Variants in PPIL2 observed in about 807,000 individuals in gnomAD.
The protein encoded by PPIL2 is peptidylprolyl isomerase like 2.
Under a neutral mutation model 75.2 loss-of-function variants are expected in PPIL2, and 50 were observed. The ratio of observed to expected loss-of-function variants is 0.66; its 90% CI spans 0.53 to 0.84. The LOEUF is 0.84. Among genes scored for constraint, PPIL2 ranks in the 40% least tolerant of loss-of-function variants. The pLI is 0.00. For missense variants in PPIL2, 590 were observed against 685.0 expected (o/e 0.86, Z 1.55); for synonymous variants, 245 against 258.8 (o/e 0.95, Z 0.51).
Position 21,682,580 on chromosome 22 carries a change from C to T in PPIL2, c.477+54C>T. On this transcript the variant is annotated intron_variant, in intron 8 of 19. Coordinates refer to ENST00000398831, the MANE Select transcript of PPIL2 (RefSeq NM_014337.4). ...CTGCCTTCAGCACCTGCAGCCAGCC[C>T]AGGCCTCTACAGGGCCCTACCCCCA... The T allele has an allele frequency of 1.2e-5, 16 of 1,381,448 alleles. 1 individual carries two copies. In the South Asian group the frequency reaches 1.8e-4, roughly 15 times the overall value. 85.6% of individuals were successfully genotyped at this position (1,381,448 alleles called of 1,614,324 possible). A position where few individuals can be genotyped will look rare whatever the true frequency, so the allele number is the denominator to read the frequency against.
At chr22:21,691,144 A>G (rs956405624) in intron 15 of PPIL2, among the ~76,000 whole-genome samples, 1 of 151,366 alleles carries the variant, frequency 6.6e-6, no homozygotes, top group East Asian at 2.0e-4. Context: ...GGGTTTCACC[A>G]TGTTGGCCAG....
At chr22:21,675,311 A>G (rs1213132860) in intron 6 of PPIL2, among the ~76,000 whole-genome samples, 196 bp downstream of exon 6, 1 of 152,152 alleles carries the variant, frequency 6.6e-6, no homozygotes, top group Non-Finnish European at 1.5e-5. Flanking sequence ...GCCGAGGCGG[A>G]TGGTTCACGA....
chr22:21,670,852 A>G, intron 3 of PPIL2, 145 bp from the exon 4 acceptor site: 2 of 908,626 alleles, frequency 2.2e-6, no homozygotes, highest in Admixed American at 3.5e-5. Context: ...TTGGAGGAGA[A>G]GGTTGGTGAG....
In PPIL2 at chr22:21,693,820, A is replaced by G; in HGVS notation, c.1144A>G (p.Ile382Val). Residue 382 changes from isoleucine (I) to valine (V), a missense_variant, in exon 16 of 20, where the codon ATC (isoleucine) becomes GTC (valine). Transcript: ENST00000398831. The stretch of plus-strand genomic sequence containing the variant: ...CCATCCAGCCCTCCTCCCCAGCTTC[A>G]TCACGTTTCGCTCCTGTGCCTACCT... ...GPNSNRSQFF[I>V]TFRSCAYLDK... 6.5e-7 allele frequency: 1 copy of G among 1,539,362 alleles called. No individual in the cohort carries two copies. Among genetic ancestry groups the G allele is most frequent in the Non-Finnish European group, 9.0e-7 (1 of 1,112,014 alleles).
Position 21,677,301 on chromosome 22 carries a change from C to T in PPIL2, c.295+2186C>T, listed in dbSNP as rs371191244. On this transcript the variant is annotated intron_variant, in intron 6 of 19. Coordinates refer to ENST00000398831, the MANE Select transcript of PPIL2 (RefSeq NM_014337.4). ...CTCACATCCCAGACAGGGTGGCGGCCGGGCAGAGGCTGCAATCTCGGCACT... is the reference window on the plus strand; with the variant it reads ...CTCACATCCCAGACAGGGTGGCGGCTGGGCAGAGGCTGCAATCTCGGCACT... Among the ~76,000 whole-genome samples, 6 of 152,208 alleles carry T rather than the reference C, an allele frequency of 3.9e-5. No homozygotes were observed. The South Asian group carries it at 8.3e-4, about 21-fold the overall frequency.
At chr22:21,672,254 C>T in intron 4 of PPIL2, 76 bp from the exon 5 acceptor site, 3 of 1,325,382 alleles carry the variant, frequency 2.3e-6, no homozygotes, top group Non-Finnish European at 3.3e-6. Flanking sequence ...TGGAAGCAGC[C>T]CTGCAAGACC....
chr22:21,685,206 G>A (rs530129836), intron 10 of PPIL2, among the ~76,000 whole-genome samples: 2 of 152,360 alleles, frequency 1.3e-5, no homozygotes, highest in East Asian at 3.9e-4. Context: ...TGCCACAGAA[G>A]GTCTGCCTTG....
intron 15 of PPIL2, among the ~76,000 whole-genome samples, chr22:21,692,360 T>G (rs564066242): frequency 1.7e-4 from 26 of 151,496 alleles, no homozygotes; most frequent in African/African-American, 2.4e-4. Context: ...TTCACCGTGT[T>G]AGCGAGGATG....
chr22:21,694,696 C>T (rs2067839363), intron 17 of PPIL2, 31 bp downstream of exon 17: 1 of 1,613,294 alleles, frequency 6.2e-7, no homozygotes, highest in Non-Finnish European at 8.5e-7. Flanking sequence ...GGCGTGGCGG[C>T]TGGGGGCCAG....
intron 6 of PPIL2, among the ~76,000 whole-genome samples, chr22:21,677,986 G>A (rs1601533414): frequency 6.6e-6 from 1 of 152,180 alleles, no homozygotes; most frequent in African/African-American, 2.4e-5. Flanking sequence ...TGAGGTGGGC[G>A]CACGCTCAAG....
intron 15 of PPIL2, among the ~76,000 whole-genome samples, chr22:21,692,217 G>T (rs926855945): frequency 1.3e-5 from 2 of 151,424 alleles, no homozygotes; most frequent in East Asian, 2.0e-4. Flanking sequence ...GTGCAGCGGC[G>T]CGATCTCGGC....
Position 21,696,881 on chromosome 22 carries a change from A to G in PPIL2, c.*1391A>G, listed in dbSNP as rs751913868. ...TCTCTGCCTCACCCCATCCACTGCC[A>G]CAGGCTGCCTGATGACCACTAGAGG... On this transcript the variant is annotated 3_prime_UTR_variant, in exon 20 of 20. Coordinates refer to ENST00000398831, the MANE Select transcript of PPIL2 (RefSeq NM_014337.4). The G allele has an allele frequency of 1.1e-5, 18 of 1,589,876 alleles. No individual in the cohort carries two copies. The African/African-American group carries it at 2.2e-4, about 19-fold the overall frequency.
intron 6 of PPIL2, among the ~76,000 whole-genome samples, chr22:21,677,244 C>G (rs915344943): frequency 2.4e-5 from 3 of 123,536 alleles, no homozygotes; most frequent in Non-Finnish European, 3.5e-5. Flanking sequence ...CTCCTCACAT[C>G]CCAGACGATG....
At position 21,694,974 on chromosome 22, in the gene PPIL2, C is replaced by G; in HGVS notation, c.1370C>G (p.Pro457Arg). ...CGGAAGACACAGCTCAAGGTAGCCC[C>G]GGAGACCAAAGTGAAGAGCAGCCAG... ...QERKTQLKVA[P>R]ETKVKSSQPQ... The change falls in exon 19 of 20, where the codon CCG (proline) becomes CGG (arginine). Residue 457 changes from proline to arginine, a missense_variant. Physicochemically the swap from Pro to Arg is moderately radical, Grantham distance 103. Transcript: ENST00000398831. The G allele has an allele frequency of 6.2e-7, 1 of 1,613,864 alleles. No homozygotes were observed. Among genetic ancestry groups the G allele is most frequent in the East Asian group, 2.2e-5 (1 of 44,874 alleles).
chr22:21,678,405 G>GT (rs899917678), intron 6 of PPIL2, among the ~76,000 whole-genome samples: 2 of 151,860 alleles, frequency 1.3e-5, no homozygotes, highest in Non-Finnish European at 2.9e-5. Flanking sequence ...TAGTTTTTGT[G>GT]TTTTTTGTAG....
chr22:21,674,216 C>T (rs2148510228), intron 5 of PPIL2, among the ~76,000 whole-genome samples: 1 of 152,302 alleles, frequency 6.6e-6, no homozygotes, highest in African/African-American at 2.4e-5. Flanking sequence ...ATAGCTCTGC[C>T]TCCCTTCCAG....
chr22:21,686,798 A>G, intron 11 of PPIL2, 94 bp from the exon 12 acceptor site: 1 of 1,272,770 alleles, frequency 7.9e-7, no homozygotes, highest in Non-Finnish European at 1.1e-6. Flanking sequence ...GCTGGAGCCT[A>G]GTCCCCGCCT....
chr22:21,695,194 T>C (rs2067867939), intron 19 of PPIL2, 124 bp downstream of exon 19: 4 of 1,406,314 alleles, frequency 2.8e-6, no homozygotes, highest in African/African-American at 2.9e-5. Context: ...GGGCTTGTGC[T>C]GTGTGGCCTC....
At chr22:21,699,396 T>G (rs544472989), downstream of PPIL2, 1 of 152,612 alleles carries the variant, frequency 6.6e-6, no homozygotes, top group Admixed American at 6.5e-5. Context: ...CAAACTTATC[T>G]GGGAGTGGTT....
Sources: gnomAD v4.1 joint callset for allele counts (sites outside exome capture counted in the v4.1 genomes callset) on GRCh38, gnomAD v4.1.1 for gene constraint, MANE v1.5 for transcripts, NCBI Gene and HGNC (gene_info 2026-07-23, HGNC 2026-07-21) for gene names.